ARHGEF3: variants seen among roughly 807,000 people sequenced by gnomAD.
The protein encoded by ARHGEF3 is 59.8 kDA protein.
In ARHGEF3, 28 loss-of-function variants were observed where a neutral mutation model predicts 63.2. That is an observed-to-expected ratio of 0.44 (90% CI 0.33 to 0.61). The LOEUF (loss-of-function observed/expected upper bound fraction) is 0.61. Ranked by LOEUF, ARHGEF3 falls within the 20% of genes least tolerant of loss-of-function variation. ARHGEF3 has a pLI of 0.03. For synonymous variants in ARHGEF3, 266 were observed against 254.2 expected (o/e 1.05, Z -0.44); for missense variants, 533 against 659.3 (o/e 0.81, Z 2.10).
rs565078912 is a variant in ARHGEF3 at position 56,756,651 on chromosome 3, G to A, written c.205-1500C>T. On this transcript the variant is annotated intron_variant, in intron 2 of 9. Transcript: ENST00000296315. ...TGCAAGCCCCGCCTCCTGGGTTCAC[G>A]CCACTCTCTTGCTTCAGCCTCCTGA... Among the ~76,000 whole-genome samples, 18 of 146,564 alleles carry A rather than the reference G, an allele frequency of 1.2e-4. No homozygotes were observed. The South Asian group carries it at 3.2e-3, about 26-fold the overall frequency.
At chr3:56,826,940 AT>A (rs1027824679) in intron 4 of ARHGEF3, among the ~76,000 whole-genome samples, 43 of 152,052 alleles carry the variant, frequency 2.8e-4, no homozygotes, top group African/African-American at 9.6e-4. Context: ...TTATTTTTTA[AT>A]TTTTTTTCAC....
intron 2 of ARHGEF3, among the ~76,000 whole-genome samples, chr3:56,768,830 T>C (rs146156120): frequency 2.5e-4 from 38 of 152,266 alleles, no homozygotes; most frequent in Admixed American, 1.9e-3. Flanking sequence ...AGCTTGGAAA[T>C]GTGTGAGGCT....
At chr3:56,832,652 T>G (rs1351630222) in intron 4 of ARHGEF3, among the ~76,000 whole-genome samples, 4 of 152,204 alleles carry the variant, frequency 2.6e-5, no homozygotes, top group Non-Finnish European at 4.4e-5. Context: ...TTTAACTATT[T>G]TAAAGCACAC....
chr3:56,821,152 C>T (rs2038476691), intron 4 of ARHGEF3, among the ~76,000 whole-genome samples: 2 of 151,502 alleles, frequency 1.3e-5, no homozygotes, highest in Admixed American at 1.3e-4. Flanking sequence ...GTGAGAGACC[C>T]TGTCTCAAAA....
At chr3:57,035,071 T>A in intron 2 of ARHGEF3, 2 of 1,520,850 alleles carry the variant, frequency 1.3e-6, no homozygotes, top group Non-Finnish European at 1.8e-6. Flanking sequence ...TTATTTAGGT[T>A]ATTTGATTAT....
intron 1 of ARHGEF3, among the ~76,000 whole-genome samples, chr3:56,777,201 T>G (rs755140351): frequency 1.2e-4 from 19 of 152,166 alleles, no homozygotes; most frequent in Non-Finnish European, 1.5e-5. Flanking sequence ...TTCTTTTCTG[T>G]ACCAACTTTG....
intron 3 of ARHGEF3, among the ~76,000 whole-genome samples, chr3:56,917,983 TG>T (rs1261345055): frequency 6.6e-6 from 1 of 151,892 alleles, no homozygotes; most frequent in East Asian, 1.9e-4. Flanking sequence ...CACTGAGAGG[TG>T]GGTTTCAGAT....
chr3:56,980,442 T>G (rs1043997366), intron 2 of ARHGEF3, among the ~76,000 whole-genome samples: 2 of 152,218 alleles, frequency 1.3e-5, no homozygotes, highest in African/African-American at 4.8e-5. Context: ...CCTGGATACG[T>G]GTCACTCTCA....
At chr3:57,074,306 G>A in intron 1 of ARHGEF3, 1 of 1,568,080 alleles carries the variant, frequency 6.4e-7, no homozygotes, top group Non-Finnish European at 8.7e-7. Context: ...TCTGGCAGCT[G>A]TTTGTCTGGG....
upstream of ARHGEF3, among the ~76,000 whole-genome samples, chr3:56,806,518 G>A (rs1377710352): frequency 1.3e-5 from 2 of 152,264 alleles, no homozygotes; most frequent in East Asian, 3.8e-4. Flanking sequence ...CAGCCGGGCA[G>A]TGTTCCTTGC....
At chr3:56,977,601 C>A (rs1701173508) in intron 2 of ARHGEF3, among the ~76,000 whole-genome samples, 1 of 152,102 alleles carries the variant, frequency 6.6e-6, no homozygotes, top group African/African-American at 2.4e-5. Flanking sequence ...CTGGACCAGG[C>A]CAATAAATAC....
chr3:56,985,166 G>A (rs908965462), intron 2 of ARHGEF3, among the ~76,000 whole-genome samples: 1 of 152,234 alleles, frequency 6.6e-6, no homozygotes, highest in Non-Finnish European at 1.5e-5. Context: ...CTAGCTCACT[G>A]CAACCTCTGC....
chr3:56,821,946 G>T (rs779369797), intron 4 of ARHGEF3, among the ~76,000 whole-genome samples: 13 of 145,308 alleles, frequency 8.9e-5, no homozygotes, highest in Non-Finnish European at 2.0e-4. Flanking sequence ...CTGGACGACA[G>T]AGAAAGACTC....
intron 2 of ARHGEF3, among the ~76,000 whole-genome samples, chr3:56,992,472 C>T (rs1701802262): frequency 7.0e-6 from 1 of 141,930 alleles, no homozygotes; most frequent in Non-Finnish European, 1.5e-5. Context: ...GCTGTACCAA[C>T]ATTATGAACT....
At chr3:56,885,308 T>C (rs2040885026) in intron 3 of ARHGEF3, among the ~76,000 whole-genome samples, 1 of 152,158 alleles carries the variant, frequency 6.6e-6, no homozygotes, top group Non-Finnish European at 1.5e-5. Flanking sequence ...GTAGAAATAA[T>C]GCCTTCCAGG....
intron 4 of ARHGEF3, among the ~76,000 whole-genome samples, chr3:56,868,524 G>A (rs533433101): frequency 2.6e-5 from 4 of 151,880 alleles, no homozygotes; most frequent in Non-Finnish European, 2.9e-5. Flanking sequence ...CACCACATCC[G>A]GCTAATTTTT....
At chr3:56,775,401 A>G (rs1578479854) in intron 1 of ARHGEF3, 3 of 1,037,238 alleles carry the variant, frequency 2.9e-6, no homozygotes, top group South Asian at 3.7e-5. Context: ...AGAAAATTCA[A>G]TACAATCTCA....
chr3:56,815,509 C>T (rs1310166243), intron 4 of ARHGEF3, among the ~76,000 whole-genome samples: 1 of 152,160 alleles, frequency 6.6e-6, no homozygotes. Context: ...GAAAATTAAG[C>T]TCAATGTACT....
At chr3:56,947,459 A>C (rs1434586962) in intron 3 of ARHGEF3, among the ~76,000 whole-genome samples, 1 of 152,210 alleles carries the variant, frequency 6.6e-6, no homozygotes, top group East Asian at 1.9e-4. Flanking sequence ...GAAAACAAAA[A>C]AATGCAGGGG....
Sources: allele counts gnomAD v4.1 joint callset (sites outside exome capture counted in the v4.1 genomes callset), GRCh38; gene constraint gnomAD v4.1.1; transcripts MANE v1.5; gene names NCBI Gene and HGNC (gene_info 2026-07-23, HGNC 2026-07-21).